The following ZBTB7C variants were observed in gnomAD, a reference collection of about 807,000 sequenced individuals.
The protein encoded by ZBTB7C is zinc finger and BTB domain containing 7C, also known as zinc finger and BTB domain-containing protein 7C.
Under a neutral mutation model 25.7 loss-of-function variants are expected in ZBTB7C, and 8 were observed. The observed-to-expected ratio is 0.31, with a 90% CI of 0.18 to 0.56. The LOEUF is 0.56. ZBTB7C is among the 20% of genes least tolerant of loss of function. The pLI, the probability that ZBTB7C is intolerant of heterozygous loss-of-function variation, is 0.91. For missense variants in ZBTB7C, 824 were observed against 855.2 expected (o/e 0.96, Z 0.46); for synonymous variants, 394 against 369.0 (o/e 1.07, Z -0.78).
At chr18:48,229,824 G>C (rs548821924) in intron 2 of ZBTB7C, among the ~76,000 whole-genome samples, 1 of 152,252 alleles carries the variant, frequency 6.6e-6, no homozygotes, top group African/African-American at 2.4e-5. Context: ...TCCAAGGAGC[G>C]GGGCAGGTGT....
intron 2 of ZBTB7C, among the ~76,000 whole-genome samples, chr18:48,249,753 G>A (rs572437229): frequency 1.3e-5 from 2 of 152,238 alleles, no homozygotes; most frequent in African/African-American, 4.8e-5. Context: ...ACATAGCCCT[G>A]TAAAACTTTA....
chr18:48,278,178 G>A (rs944463811), intron 2 of ZBTB7C, among the ~76,000 whole-genome samples: 1 of 152,210 alleles, frequency 6.6e-6, no homozygotes. Flanking sequence ...CTTCCACTTT[G>A]CAGAGGCAGG....
intron 3 of ZBTB7C, among the ~76,000 whole-genome samples, chr18:48,051,464 T>G (rs1471090319): frequency 6.6e-6 from 1 of 152,162 alleles, no homozygotes; most frequent in African/African-American, 2.4e-5. Flanking sequence ...ACTGCCCTCA[T>G]CCCCTCATCC....
intron 3 of ZBTB7C, among the ~76,000 whole-genome samples, chr18:48,172,193 C>T (rs2041505930): frequency 6.6e-6 from 1 of 152,162 alleles, no homozygotes; most frequent in African/African-American, 2.4e-5. Flanking sequence ...TGGATTCGGC[C>T]ACAGACAGGA....
intron 3 of ZBTB7C, among the ~76,000 whole-genome samples, chr18:48,142,919 C>T (rs2040392164): frequency 6.8e-6 from 1 of 146,488 alleles, no homozygotes; most frequent in African/African-American, 2.8e-5. Flanking sequence ...GTATGTACTA[C>T]CTATTCTGTG....
chr18:48,219,975 C>T, intron 2 of ZBTB7C, among the ~76,000 whole-genome samples: 1 of 152,164 alleles, frequency 6.6e-6, no homozygotes, highest in African/African-American at 2.4e-5. Flanking sequence ...CAGAAGATGG[C>T]CTCACACTGG....
At chr18:48,101,764 T>C (rs1194512340) in intron 3 of ZBTB7C, among the ~76,000 whole-genome samples, 1 of 152,194 alleles carries the variant, frequency 6.6e-6, no homozygotes, top group African/African-American at 2.4e-5. Flanking sequence ...CAGCATTATA[T>C]TGGAGGTCTA....
At chr18:48,341,676 T>C (rs984042605) in intron 1 of ZBTB7C, among the ~76,000 whole-genome samples, 2 of 152,242 alleles carry the variant, frequency 1.3e-5, no homozygotes, top group African/African-American at 2.4e-5. Flanking sequence ...ATGCCGCTTG[T>C]TACCTTAGAG....
Position 48,106,150 on chromosome 18 carries a change from C to T in ZBTB7C, c.-16-65027G>A, listed in dbSNP as rs528740289. Reference sequence around the variant, plus strand: ...CCACCCTGGCCTTGGTGGCTGTCCCCGCACCACACGGGGAGGGATTGAACA... The same window carrying T: ...CCACCCTGGCCTTGGTGGCTGTCCCTGCACCACACGGGGAGGGATTGAACA... On this transcript the variant is annotated intron_variant, in intron 3 of 4. Transcript: ENST00000590800. Among the ~76,000 whole-genome samples, 8 of 152,286 alleles carry T rather than the reference C, an allele frequency of 5.3e-5. No individual in the cohort carries two copies. The South Asian group carries it at 8.3e-4, about 16-fold the overall frequency.
At chr18:48,263,006 T>C (rs2044214165) in intron 2 of ZBTB7C, among the ~76,000 whole-genome samples, 1 of 152,242 alleles carries the variant, frequency 6.6e-6, no homozygotes, top group African/African-American at 2.4e-5. Context: ...AACCTGCACC[T>C]GGCCTGGCCC....
intron 3 of ZBTB7C, among the ~76,000 whole-genome samples, chr18:48,085,412 A>G (rs2038156727): frequency 6.6e-6 from 1 of 152,078 alleles, no homozygotes; most frequent in African/African-American, 2.4e-5. Context: ...ATAAGACATG[A>G]TTTTTTTCTG....
At chr18:48,152,985 C>T (rs1316602522) in intron 3 of ZBTB7C, among the ~76,000 whole-genome samples, 1 of 152,232 alleles carries the variant, frequency 6.6e-6, no homozygotes, top group East Asian at 1.9e-4. Flanking sequence ...CAATGGGTAC[C>T]CGAAGCCAGG....
At chr18:48,179,307 G>T (rs191422170) in intron 3 of ZBTB7C, among the ~76,000 whole-genome samples, 28 of 152,308 alleles carry the variant, frequency 1.8e-4, no homozygotes, top group African/African-American at 6.0e-4. Context: ...GATCCTGCAT[G>T]GCTGAGCAAG....
chr18:48,122,953 T>C (rs1285491914), intron 3 of ZBTB7C, among the ~76,000 whole-genome samples: 2 of 152,192 alleles, frequency 1.3e-5, no homozygotes, highest in African/African-American at 4.8e-5. Context: ...ATATTCCCTC[T>C]TGGACTCTGA....
intron 1 of ZBTB7C, among the ~76,000 whole-genome samples, chr18:48,356,696 C>G (rs559768970): frequency 5.8e-4 from 88 of 152,296 alleles, no homozygotes; most frequent in Non-Finnish European, 8.5e-4. Flanking sequence ...CTAGGAGTAC[C>G]TGGGGATCCA....
chr18:48,111,655 C>T (rs2039244940), intron 3 of ZBTB7C, among the ~76,000 whole-genome samples: 1 of 152,148 alleles, frequency 6.6e-6, no homozygotes, highest in African/African-American at 2.4e-5. Context: ...ATGAGGGGCC[C>T]AGAGGCAGCT....
chr18:48,111,464 TCCC>T (rs779782739), intron 3 of ZBTB7C, among the ~76,000 whole-genome samples: 4 of 152,170 alleles, frequency 2.6e-5, no homozygotes, highest in South Asian at 4.1e-4. Context: ...TATGTCATTT[TCCC>T]CCCATTTCCT....
chr18:48,283,298 A>C (rs1217415275), intron 2 of ZBTB7C, among the ~76,000 whole-genome samples: 1 of 152,216 alleles, frequency 6.6e-6, no homozygotes, highest in Non-Finnish European at 1.5e-5. Context: ...TTGTGCAGCC[A>C]CTAAATGCAT....
intron 2 of ZBTB7C, among the ~76,000 whole-genome samples, chr18:48,245,731 G>A (rs1211666953): frequency 6.6e-6 from 1 of 152,118 alleles, no homozygotes; most frequent in African/African-American, 2.4e-5. Context: ...TAGAATGCTA[G>A]AGCCGGTTGA....
Sources: gnomAD v4.1 joint callset for allele counts (sites outside exome capture counted in the v4.1 genomes callset) on GRCh38, gnomAD v4.1.1 for gene constraint, MANE v1.5 for transcripts, NCBI Gene and HGNC (gene_info 2026-07-23, HGNC 2026-07-21) for gene names.